The following FNDC3B variants were observed in gnomAD, a reference collection of about 807,000 sequenced individuals.
FNDC3B encodes fibronectin type III domain-containing protein 3B.
Under a neutral mutation model 151.5 loss-of-function variants are expected in FNDC3B, and 12 were observed. That is an observed-to-expected ratio of 0.08 (90% confidence interval 0.05 to 0.13). The LOEUF is 0.13. Ranked by LOEUF, FNDC3B falls within the 10% of genes least tolerant of loss-of-function variation. The pLI, the probability that FNDC3B is intolerant of heterozygous loss-of-function variation, is 1.00. For missense variants in FNDC3B, 1,214 were observed against 1,505.3 expected, an observed-to-expected ratio of 0.81 and a Z score of 3.20; for synonymous variants, 528 against 549.0, an observed-to-expected ratio of 0.96 and a Z score of 0.54.
In FNDC3B at chr3:172,347,374, T is replaced by C. The variant is rs1576934311; in HGVS notation, c.2514+13T>C. On this transcript the variant is annotated intron_variant, in intron 21 of 25. Transcript: ENST00000415807. ...CTGTAGACTACAGGTAGGTTGACAT[T>C]ATTCAGATGTTACTCACAAGGACTG... The C allele has an allele frequency of 6.2e-7, 1 of 1,603,044 alleles. No homozygotes were observed. Among genetic ancestry groups the C allele is most frequent in the Non-Finnish European group, 8.5e-7 (1 of 1,173,884 alleles).
intron 4 of FNDC3B, among the ~76,000 whole-genome samples, chr3:172,242,333 G>A (rs1274004261): frequency 6.6e-6 from 1 of 152,158 alleles, no homozygotes; most frequent in Non-Finnish European, 1.5e-5. Context: ...ACTTTGTATG[G>A]TGGCTCTGAC....
At chr3:172,165,606 A>G (rs1215125981) in intron 3 of FNDC3B, among the ~76,000 whole-genome samples, 1 of 152,234 alleles carries the variant, frequency 6.6e-6, no homozygotes, top group Non-Finnish European at 1.5e-5. Flanking sequence ...CTGTAGATTG[A>G]ACTTTCATAC....
At chr3:172,098,461 C>T (rs1240163811) in intron 1 of FNDC3B, among the ~76,000 whole-genome samples, 2 of 151,890 alleles carry the variant, frequency 1.3e-5, no homozygotes, top group Admixed American at 6.6e-5. Context: ...ACACAGTGGT[C>T]GGTATTTAAG....
At chr3:172,056,514 C>T (rs1716926925) in intron 1 of FNDC3B, among the ~76,000 whole-genome samples, 1 of 152,166 alleles carries the variant, frequency 6.6e-6, no homozygotes, top group African/African-American at 2.4e-5. Context: ...TATTTTGGTG[C>T]TCTGGAAACA....
intron 4 of FNDC3B, among the ~76,000 whole-genome samples, chr3:172,232,111 C>G (rs1726923781): frequency 6.6e-6 from 1 of 151,982 alleles, no homozygotes; most frequent in Non-Finnish European, 1.5e-5. Context: ...AAACTCCTGA[C>G]TTCAAGTGAT....
At chr3:172,358,650 A>T (rs1385638177) in intron 22 of FNDC3B, among the ~76,000 whole-genome samples, 2 of 152,260 alleles carry the variant, frequency 1.3e-5, no homozygotes, top group African/African-American at 2.4e-5. Context: ...CAAAGAAGTC[A>T]TCAGGATAAT....
chr3:172,277,760 T>C (rs1047403910), intron 6 of FNDC3B, among the ~76,000 whole-genome samples: 9 of 152,232 alleles, frequency 5.9e-5, no homozygotes, highest in Non-Finnish European at 1.0e-4. Context: ...ATTGGCTGCA[T>C]AGCAGCTGCC....
At chr3:172,161,969 T>A (rs1285927952) in intron 3 of FNDC3B, among the ~76,000 whole-genome samples, 2 of 129,320 alleles carry the variant, frequency 1.5e-5, no homozygotes, top group African/African-American at 6.5e-5. Flanking sequence ...ATTGTCCTCT[T>A]AGGATAATTT....
intron 25 of FNDC3B, among the ~76,000 whole-genome samples, chr3:172,389,763 G>A (rs1388608522): frequency 3.3e-5 from 5 of 152,100 alleles, no homozygotes; most frequent in Non-Finnish European, 5.9e-5. Context: ...CTACTCGGGA[G>A]GCTGAGGCAG....
intron 10 of FNDC3B, among the ~76,000 whole-genome samples, chr3:172,310,079 C>G (rs1314391628): frequency 6.6e-6 from 1 of 152,188 alleles, no homozygotes; most frequent in South Asian, 2.1e-4. Flanking sequence ...GTTCCACTGT[C>G]TCTCTAGATC....
rs139952897 is a variant in FNDC3B at position 172,212,757 on chromosome 3, G to C, written c.188-14114G>C. Among the ~76,000 whole-genome samples the C allele has an allele frequency of 4.1e-3, 617 of 152,290 alleles. 3 individuals are homozygous for C. Among genetic ancestry groups the C allele is most frequent in the African/African-American group, 0.014 (584 of 41,554 alleles). ...TAACTTGCCCAGGGCCATACAGACT[G>C]AATCCCATATCTCCACTGAGCCATT... On this transcript the variant is annotated intron_variant, in intron 3 of 25. Coordinates refer to ENST00000415807, the MANE Select transcript of FNDC3B (RefSeq NM_022763.4).
At chr3:172,091,873 G>GGTGGGTGTGTGT (rs1553760107) in intron 1 of FNDC3B, among the ~76,000 whole-genome samples, 2 of 124,756 alleles carry the variant, frequency 1.6e-5, no homozygotes, top group Admixed American at 8.4e-5. Context: ...ACTTTACTGG[G>GGTGGGTGTGTGT]GTGTGTGTGT....
chr3:172,334,904 A>T, intron 14 of FNDC3B, 40 bp from the exon 15 acceptor site: 1 of 1,588,136 alleles, frequency 6.3e-7, no homozygotes, highest in Non-Finnish European at 8.6e-7. Context: ...ATGATCCCTG[A>T]TAACTAAATC....
intron 20 of FNDC3B, 101 bp downstream of exon 20, chr3:172,346,541 G>C: frequency 6.4e-6 from 3 of 469,988 alleles, no homozygotes; most frequent in South Asian, 2.4e-5. Flanking sequence ...TGCACATATA[G>C]ATGATTTTTT....
At chr3:172,245,177 C>A (rs1043701178) in intron 4 of FNDC3B, among the ~76,000 whole-genome samples, 1 of 151,924 alleles carries the variant, frequency 6.6e-6, no homozygotes, top group Non-Finnish European at 1.5e-5. Flanking sequence ...TTTTTTAAAA[C>A]CACTTTGTTA....
At chr3:172,242,328 G>T (rs548084922) in intron 4 of FNDC3B, among the ~76,000 whole-genome samples, 1 of 152,318 alleles carries the variant, frequency 6.6e-6, no homozygotes, top group South Asian at 2.1e-4. Flanking sequence ...TAGGGACTTT[G>T]TATGGTGGCT....
intron 6 of FNDC3B, among the ~76,000 whole-genome samples, chr3:172,269,925 G>C (rs1225558827): frequency 2.0e-5 from 3 of 152,200 alleles, no homozygotes; most frequent in Admixed American, 6.5e-5. Flanking sequence ...GGGATTACAG[G>C]CGTGAGCCAC....
intron 6 of FNDC3B, among the ~76,000 whole-genome samples, chr3:172,263,591 T>G (rs1422231608): frequency 3.9e-5 from 3 of 76,642 alleles, no homozygotes; most frequent in Non-Finnish European, 6.6e-5. Context: ...CAAGTGTTTT[T>G]TTTTTTTTTT....
At chr3:172,297,794 A>G (rs1168954185) in intron 8 of FNDC3B, among the ~76,000 whole-genome samples, 1 of 152,206 alleles carries the variant, frequency 6.6e-6, no homozygotes, top group East Asian at 1.9e-4. Context: ...TAAGTTTTAT[A>G]TGTAATGGTC....
Sources: allele counts gnomAD v4.1 joint callset (sites outside exome capture counted in the v4.1 genomes callset), GRCh38; gene constraint gnomAD v4.1.1; transcripts MANE v1.5; gene names NCBI Gene and HGNC (gene_info 2026-07-23, HGNC 2026-07-21).